HUWE1: variants seen among roughly 807,000 people sequenced by gnomAD.
The protein encoded by HUWE1 is E3 ubiquitin-protein ligase HUWE1.
A neutral mutation model predicts 299.4 loss-of-function variants in HUWE1; 18 were observed. That is an observed-to-expected ratio of 0.06 (90% confidence interval 0.04 to 0.09). The LOEUF is 0.09. HUWE1 is among the 10% of genes least tolerant of loss of function. The pLI, the probability that HUWE1 is intolerant of heterozygous loss-of-function variation, is 1.00. For missense variants in HUWE1, 1,832 were observed against 3,462.3 expected, an observed-to-expected ratio of 0.53 and a Z score of 11.82; for synonymous variants, 1,317 against 1,286.1, an observed-to-expected ratio of 1.02 and a Z score of -0.51.
intron 23 of HUWE1, among the ~76,000 whole-genome samples, chrX:53,610,209 C>T (rs886795062): frequency 9.0e-6 from 1 of 111,283 alleles, no homozygotes; most frequent in Non-Finnish European, 1.9e-5. Flanking sequence ...AGACACCCAA[C>T]CCTTTGAAGA....
At chrX:53,592,318 T>A in intron 33 of HUWE1, 80 bp downstream of exon 33, 2 of 673,368 alleles carry the variant, frequency 3.0e-6, no homozygotes, top group South Asian at 4.3e-5. Context: ...CTCAGTGGTA[T>A]GTGAGCTTAG....
At chrX:53,558,561 G>C (rs1426172326) in intron 59 of HUWE1, 94 bp downstream of exon 59, 1 of 885,105 alleles carries the variant, frequency 1.1e-6, no homozygotes, top group African/African-American at 2.0e-5. Context: ...GAACGTTCTA[G>C]GATTCTTCAG....
intron 81 of HUWE1, among the ~76,000 whole-genome samples, chrX:53,534,942 G>GT (rs34065694): frequency 2.2e-3 from 220 of 100,598 alleles, no homozygotes; most frequent in East Asian, 6.5e-3. Flanking sequence ...AGCTGGGTTT[G>GT]TTTTTTTTTT....
At chrX:53,556,950 G>A (rs981963755) in intron 60 of HUWE1, among the ~76,000 whole-genome samples, 1 of 112,207 alleles carries the variant, frequency 8.9e-6, no homozygotes. Context: ...GATTTTGTTC[G>A]TTTCCACAGA....
rs1334451071 is a variant in HUWE1 at position 53,604,443 on chromosome X, C to CA, written c.2742+145dup. 4.8e-6 allele frequency: 3 copies of CA among 627,969 alleles called. 1 individual carries two copies. In the East Asian group the frequency reaches 1.1e-4, roughly 22 times the overall value. 51.8% of individuals were successfully genotyped at this position (627,969 alleles called of 1,213,427 possible). ...TATAGTCACTCAACTTTTTGACAGTCAAAAAAATCTCATCCTAAATTGGAC... is the reference window on the plus strand; with the variant it reads ...TATAGTCACTCAACTTTTTGACAGTCAAAAAAAATCTCATCCTAAATTGGAC... On this transcript the variant is annotated intron_variant, in intron 26 of 83. Coordinates refer to ENST00000262854, the MANE Select transcript of HUWE1 (RefSeq NM_031407.7).
rs1165384701 is a variant in HUWE1, at chrX:53,672,029, T to C, written c.-25+8020A>G. ...CATACAATAGAATACAATGTAGCCA[T>C]TAAAAATGCTACAGAAGTATACATA... On this transcript the variant is annotated intron_variant, in intron 3 of 83. Coordinates refer to ENST00000262854, the MANE Select transcript of HUWE1 (RefSeq NM_031407.7). Among the ~76,000 whole-genome samples the C allele has an allele frequency of 2.9e-5, 3 of 103,483 alleles. No individual in the cohort carries two copies. The East Asian group carries it at 9.1e-4, about 31-fold the overall frequency. 89.9% of individuals were successfully genotyped at this position (103,483 alleles called of 115,157 possible).
In HUWE1 at chrX:53,575,695, G is replaced by A; in HGVS notation, c.5978C>T (p.Ser1993Leu). ...AAAGTCACTGCTCTGACGCGTAAGT[G>A]ACCGGTACTGCTGGTATACATCATC... Reference protein sequence around the residue: ...MGDDVYQQYRSLTRQSSDFDT... With the variant: ...MGDDVYQQYRLLTRQSSDFDT... Residue 1993 changes from serine (S) to leucine (L), a missense_variant, in exon 45 of 84, where the codon TCA (serine) becomes TTA (leucine). Physicochemically the swap from Ser to Leu is moderately radical, Grantham distance 145. Coordinates refer to ENST00000262854, the MANE Select transcript of HUWE1 (RefSeq NM_031407.7). 8.3e-7 allele frequency: 1 copy of A among 1,211,061 alleles called. No individual in the cohort carries two copies.
chrX:53,612,130 A>T (rs1426131676), intron 23 of HUWE1, among the ~76,000 whole-genome samples: 1 of 111,794 alleles, frequency 8.9e-6, no homozygotes, highest in Non-Finnish European at 1.9e-5. Context: ...CTGTTAATAT[A>T]TTGTGGTTTT....
At chrX:53,630,902 T>C in intron 12 of HUWE1, 33 bp downstream of exon 12, 1 of 851,619 alleles carries the variant, frequency 1.2e-6, no homozygotes, top group Non-Finnish European at 1.8e-6. Flanking sequence ...AACTGTCTAA[T>C]ACGGCCTGGT....
intron 7 of HUWE1, among the ~76,000 whole-genome samples, chrX:53,640,019 T>C (rs782661869): frequency 8.9e-6 from 1 of 112,593 alleles, no homozygotes; most frequent in African/African-American, 3.2e-5. Context: ...GGAAGTTGCC[T>C]GAAAAGACTG....
Position 53,547,821 on chromosome X carries a change from A to AGTG in HUWE1, c.10485_10487dup (p.Thr3496dup), listed in dbSNP as rs782446150. On this transcript the variant is annotated inframe_insertion, in exon 68 of 84. Coordinates refer to ENST00000262854, the MANE Select transcript of HUWE1 (RefSeq NM_031407.7). ...GGGGTGTGGGCGTGGTGGAGGCGGC[A>AGTG]GTGGTGGTGGTGGTAGATGTGGTTG... 6 of 1,195,403 alleles carry AGTG rather than the reference A, an allele frequency of 5.0e-6. No homozygotes were observed. Among genetic ancestry groups the AGTG allele is most frequent in the East Asian group, 3.0e-5 (1 of 33,310 alleles).
At chrX:53,607,120 C>G (rs782310447) in intron 25 of HUWE1, among the ~76,000 whole-genome samples, 1 of 111,244 alleles carries the variant, frequency 9.0e-6, no homozygotes, top group South Asian at 3.8e-4. Flanking sequence ...GTCAATTATG[C>G]TTAAAATACA....
At chrX:53,543,687 C>T (rs2061442654) in intron 73 of HUWE1, 154 bp downstream of exon 73, 1 of 849,072 alleles carries the variant, frequency 1.2e-6, no homozygotes. Context: ...AATAGGAAAA[C>T]ACCAACAGAA....
chrX:53,651,909 A>G (rs1186067480), intron 4 of HUWE1, among the ~76,000 whole-genome samples: 1 of 111,598 alleles, frequency 9.0e-6, no homozygotes, highest in Non-Finnish European at 1.9e-5. Flanking sequence ...TCTGCGGCTG[A>G]CTTATTTCAC....
chrX:53,560,892 C>T (rs1280485080), intron 55 of HUWE1, among the ~76,000 whole-genome samples: 1 of 111,843 alleles, frequency 8.9e-6, no homozygotes, highest in Non-Finnish European at 1.9e-5. Flanking sequence ...CTATGAGGAA[C>T]GAGGACTGTT....
chrX:53,542,894 TAA>T (rs1189268447), intron 73 of HUWE1: 8 of 174,247 alleles, frequency 4.6e-5, no homozygotes, highest in East Asian at 1.2e-4. Flanking sequence ...TGTGTGTGTA[TAA>T]AAAATTCAGA....
chrX:53,609,471 C>A (rs1317194057), intron 23 of HUWE1, among the ~76,000 whole-genome samples: 1 of 112,092 alleles, frequency 8.9e-6, no homozygotes, highest in African/African-American at 3.2e-5. Context: ...AAGATTCATA[C>A]ACCTGAGGTC....
chrX:53,555,636 CTTTTTT>C (rs1175050260), intron 60 of HUWE1, among the ~76,000 whole-genome samples: 5 of 75,267 alleles, frequency 6.6e-5, no homozygotes, highest in Non-Finnish European at 1.0e-4. Flanking sequence ...CCTTCAAAAT[CTTTTTT>C]TTTTTTTTTT....
At chrX:53,636,970 T>C (rs1427242843) in intron 7 of HUWE1, among the ~76,000 whole-genome samples, 1 of 112,335 alleles carries the variant, frequency 8.9e-6, no homozygotes, top group Non-Finnish European at 1.9e-5. Flanking sequence ...TGAAAATATC[T>C]TGCCACTTCA....
Sources: gnomAD v4.1 joint callset for allele counts (sites outside exome capture counted in the v4.1 genomes callset) on GRCh38, gnomAD v4.1.1 for gene constraint, MANE v1.5 for transcripts, NCBI Gene and HGNC (gene_info 2026-07-23, HGNC 2026-07-21) for gene names.